Variants in BAIAP2 observed in about 807,000 individuals in gnomAD.
BAIAP2 encodes BAR/IMD domain-containing adapter protein 2.
Under a neutral mutation model 63.0 loss-of-function variants are expected in BAIAP2, and 18 were observed. That is an observed-to-expected ratio of 0.29 (90% CI 0.20 to 0.42). The LOEUF (loss-of-function observed/expected upper bound fraction) is 0.42. BAIAP2 is among the 10% of genes least tolerant of loss of function. The pLI, the probability that BAIAP2 is intolerant of heterozygous loss-of-function variation, is 1.00. For missense variants in BAIAP2, 610 were observed against 734.3 expected, an observed-to-expected ratio of 0.83 and a Z score of 1.96; for synonymous variants, 386 against 307.6, an observed-to-expected ratio of 1.25 and a Z score of -2.67.
chr17:81,059,515 G>A (rs756420610), intron 3 of BAIAP2, among the ~76,000 whole-genome samples: 5 of 152,234 alleles, frequency 3.3e-5, no homozygotes, highest in African/African-American at 4.8e-5. Flanking sequence ...AACTATCGTG[G>A]CTCACTGTGG....
At chr17:81,106,637 G>A (rs574036216) in intron 11 of BAIAP2, 108 bp from the exon 12 acceptor site, 44 of 1,335,066 alleles carry the variant, frequency 3.3e-5, no homozygotes, top group Non-Finnish European at 4.2e-5. Flanking sequence ...CAGCCTCCCC[G>A]CATGTGGCGT....
intron 7 of BAIAP2, among the ~76,000 whole-genome samples, chr17:81,102,971 C>T (rs1222288813): frequency 6.6e-6 from 1 of 152,256 alleles, no homozygotes; most frequent in East Asian, 1.9e-4. Flanking sequence ...CCACTGTGCT[C>T]AGCTGGTCTG....
At chr17:81,078,195 A>G (rs61550296) in intron 3 of BAIAP2, among the ~76,000 whole-genome samples, 8,032 of 49,372 alleles carry the variant, frequency 0.16, 756 homozygotes, top group East Asian at 0.33. Flanking sequence ...TGGGAGCCGG[A>G]TGCTGTGGGT....
intron 1 of BAIAP2, among the ~76,000 whole-genome samples, chr17:81,038,105 C>T (rs1168861540): frequency 6.6e-6 from 1 of 152,240 alleles, no homozygotes; most frequent in Non-Finnish European, 1.5e-5. Flanking sequence ...AAGACCCCTT[C>T]CTCCACAGGA....
At chr17:81,098,262 A>G (rs1224334632) in intron 6 of BAIAP2, 2 of 1,206,834 alleles carry the variant, frequency 1.7e-6, no homozygotes, top group African/African-American at 3.1e-5. Context: ...GGATGGGAGC[A>G]CAGTCCGGGG....
chr17:81,079,008 G>GT (rs2054165554), intron 3 of BAIAP2, among the ~76,000 whole-genome samples: 1 of 152,172 alleles, frequency 6.6e-6, no homozygotes, highest in Non-Finnish European at 1.5e-5. Flanking sequence ...ATGGAGGGCA[G>GT]TTGTGGGGTC....
chr17:81,071,084 G>A (rs1214906523), intron 3 of BAIAP2, among the ~76,000 whole-genome samples: 3 of 144,582 alleles, frequency 2.1e-5, no homozygotes, highest in African/African-American at 5.0e-5. Flanking sequence ...CATCACCATG[G>A]CAACACAGAC....
intron 3 of BAIAP2, among the ~76,000 whole-genome samples, chr17:81,075,927 C>G (rs1231159566): frequency 6.8e-6 from 1 of 147,288 alleles, no homozygotes; most frequent in African/African-American, 2.5e-5. Flanking sequence ...TTTTTTGGGT[C>G]TGCTGGGAAT....
At chr17:81,108,420 G>A in intron 12 of BAIAP2, 55 bp from the exon 13 acceptor site, 3 of 1,592,680 alleles carry the variant, frequency 1.9e-6, no homozygotes, top group Non-Finnish European at 2.6e-6. Context: ...GCAGCGGGTG[G>A]GGGTGACCAC....
intron 10 of BAIAP2, chr17:81,105,084 CCCCCCAGCGGCAGGGGTCT>C (rs879862279): frequency 0.027 from 5,305 of 194,804 alleles, 119 homozygotes; most frequent in Middle Eastern, 0.086. Flanking sequence ...GCTCGGGTCT[CCCCCCAGCGGCAGGGGTCT>C]CCCCCCAGTG....
At chr17:81,076,343 G>A (rs958858630) in intron 3 of BAIAP2, 4 of 152,218 alleles carry the variant, frequency 2.6e-5, no homozygotes, top group African/African-American at 9.6e-5. Context: ...CATCAACGGA[G>A]GCCCCGTCTA....
At chr17:81,107,250 G>A (rs1047414390) in intron 12 of BAIAP2, 6 of 263,450 alleles carry the variant, frequency 2.3e-5, no homozygotes, top group African/African-American at 8.9e-5. Flanking sequence ...CCTGGACGCC[G>A]CCGCCTTTTG....
At chr17:81,104,295 C>T (rs1019477185) in intron 9 of BAIAP2, among the ~76,000 whole-genome samples, 187 bp downstream of exon 9, 2 of 152,228 alleles carry the variant, frequency 1.3e-5, no homozygotes, top group Admixed American at 1.3e-4. Context: ...TCTTGTCAAG[C>T]CTCTGGTGCT....
chr17:81,054,545 C>G (rs1456684432), intron 2 of BAIAP2, among the ~76,000 whole-genome samples: 1 of 152,172 alleles, frequency 6.6e-6, no homozygotes, highest in East Asian at 1.9e-4. Context: ...CCTGTGGCAT[C>G]TAGAGACGGG....
At chr17:81,069,468 C>G (rs1220411411) in intron 3 of BAIAP2, among the ~76,000 whole-genome samples, 1 of 152,184 alleles carries the variant, frequency 6.6e-6, no homozygotes, top group Non-Finnish European at 1.5e-5. Context: ...GGCGGCCGGT[C>G]TGAACTGCCC....
At chr17:81,082,218 C>T (rs946665532) in intron 3 of BAIAP2, among the ~76,000 whole-genome samples, 1 of 152,190 alleles carries the variant, frequency 6.6e-6, no homozygotes, top group African/African-American at 2.4e-5. Context: ...CACACAGCCA[C>T]ACACACATGC....
intron 3 of BAIAP2, among the ~76,000 whole-genome samples, chr17:81,072,697 C>T (rs535241679): frequency 1.3e-4 from 20 of 152,302 alleles, no homozygotes; most frequent in African/African-American, 4.6e-4. Flanking sequence ...TGAGCACAGG[C>T]GGGCGGACGC....
chr17:81,090,785 G>GGCTGCCTGGCTGGAATGT (rs2056589150), intron 6 of BAIAP2, among the ~76,000 whole-genome samples: 1 of 152,082 alleles, frequency 6.6e-6, no homozygotes, highest in Admixed American at 6.6e-5. Flanking sequence ...AGTGCCATGT[G>GGCTGCCTGGCTGGAATGT]GCTGCCTGGC....
At chr17:81,110,795 A>T in intron 13 of BAIAP2, 1 of 1,380,558 alleles carries the variant, frequency 7.2e-7, no homozygotes. Context: ...CTGTGTGCCG[A>T]CTCCGAGTGC....
Sources: allele counts gnomAD v4.1 joint callset (sites outside exome capture counted in the v4.1 genomes callset), GRCh38; gene constraint gnomAD v4.1.1; transcripts MANE v1.5; gene names NCBI Gene and HGNC (gene_info 2026-07-23, HGNC 2026-07-21).